Variants in DNAJC1 observed in about 807,000 individuals in gnomAD.
The protein encoded by DNAJC1 is DnaJ heat shock protein family (Hsp40) member C1.
In DNAJC1, 58 loss-of-function variants were observed where a neutral mutation model predicts 76.6. The observed-to-expected ratio is 0.76, with a 90% CI of 0.61 to 0.94. DNAJC1 has a LOEUF of 0.94. Among genes scored for constraint, DNAJC1 ranks in the 40% least tolerant of loss-of-function variants. The pLI, the probability that DNAJC1 is intolerant of heterozygous loss-of-function variation, is 0.00. For synonymous variants in DNAJC1, 258 were observed against 267.9 expected, an observed-to-expected ratio of 0.96 and a Z score of 0.36; for missense variants, 689 against 677.3, an observed-to-expected ratio of 1.02 and a Z score of -0.19.
chr10:21,782,262 C>T (rs1390300228), intron 9 of DNAJC1, among the ~76,000 whole-genome samples: 2 of 152,158 alleles, frequency 1.3e-5, no homozygotes, highest in Non-Finnish European at 2.9e-5. Context: ...ACTATAAACA[C>T]CGCTATGCAA....
intron 8 of DNAJC1, among the ~76,000 whole-genome samples, chr10:21,877,836 C>A (rs1391346745): frequency 2.0e-5 from 3 of 152,164 alleles, no homozygotes; most frequent in Non-Finnish European, 1.5e-5. Flanking sequence ...CTTTTGACTG[C>A]CCAAAAACTT....
chr10:21,844,127 G>A (rs1282312916), intron 8 of DNAJC1, among the ~76,000 whole-genome samples: 6 of 152,086 alleles, frequency 3.9e-5, no homozygotes, highest in Non-Finnish European at 5.9e-5. Flanking sequence ...CAGCCAAGTG[G>A]AACTGTAAGT....
intron 9 of DNAJC1, among the ~76,000 whole-genome samples, chr10:21,771,621 C>T (rs1319281826): frequency 3.3e-5 from 5 of 152,124 alleles, no homozygotes; most frequent in African/African-American, 7.2e-5. Context: ...CCTCAGCCTC[C>T]CGAGTAGCTG....
chr10:21,839,479 G>A (rs934576660), intron 8 of DNAJC1, among the ~76,000 whole-genome samples: 34 of 152,086 alleles, frequency 2.2e-4, no homozygotes, highest in African/African-American at 6.8e-4. Context: ...ACACCTCTAC[G>A]CAAATAAACT....
chr10:21,978,026 A>AT lies in DNAJC1; in HGVS notation c.222+25186dup, dbSNP rs1838092758. Among the ~76,000 whole-genome samples, 6 of 152,282 alleles carry AT rather than the reference A, an allele frequency of 3.9e-5. No individual in the cohort carries two copies. In the South Asian group the frequency reaches 1.2e-3, roughly 32 times the overall value. On this transcript the variant is annotated intron_variant, in intron 1 of 11. Coordinates refer to ENST00000376980, the MANE Select transcript of DNAJC1 (RefSeq NM_022365.4). ...AACAATAAGAATGTCTGTTTTTTAT[A>AT]TAGGAGCATTTGACTTATTTTGTAA...
chr10:21,872,009 A>AAAAATAG lies in DNAJC1; in HGVS notation c.978+10266_978+10272dup, dbSNP rs1242252270. Among the ~76,000 whole-genome samples, 36 of 152,184 alleles carry AAAAATAG rather than the reference A, an allele frequency of 2.4e-4. No homozygotes were observed. The East Asian group carries it at 3.1e-3, about 13-fold the overall frequency. On this transcript the variant is annotated intron_variant, in intron 8 of 11. Transcript: ENST00000376980. ...GAGACAGTATGGCTGACATAAAGAAAAAAATAGAAACTGTGCCTGAGGAAG... is the reference window on the plus strand; with the variant it reads ...GAGACAGTATGGCTGACATAAAGAAAAAAATAGAAAATAGAAACTGTGCCTGAGGAAG...
chr10:21,953,786 C>A (rs1234178094), intron 1 of DNAJC1, among the ~76,000 whole-genome samples: 1 of 134,990 alleles, frequency 7.4e-6, no homozygotes, highest in Non-Finnish European at 1.5e-5. Flanking sequence ...AGCTCCATCA[C>A]TGCCATCAAG....
At chr10:21,772,729 T>G (rs1208592414) in intron 9 of DNAJC1, among the ~76,000 whole-genome samples, 3 of 152,144 alleles carry the variant, frequency 2.0e-5, no homozygotes, top group African/African-American at 7.2e-5. Flanking sequence ...TTGTTCTCTA[T>G]TTCTTCCATT....
At chr10:21,785,973 C>G (rs1387736520) in intron 9 of DNAJC1, among the ~76,000 whole-genome samples, 1 of 152,164 alleles carries the variant, frequency 6.6e-6, no homozygotes, top group Non-Finnish European at 1.5e-5. Context: ...ATGTTGATCA[C>G]TGTATATACT....
rs747686329 is a variant in DNAJC1, at chr10:21,806,112, A to C, written c.979-13T>G. On this transcript the variant is annotated splice_polypyrimidine_tract_variant and intron_variant, in intron 8 of 11. Transcript: ENST00000376980. ...TCCATTCAGGTGCCTGCAAAACATT[A>C]AAGAAAATAAAAAAAGATAATTGGG... 10 of 1,590,706 alleles carry C rather than the reference A, an allele frequency of 6.3e-6. No individual in the cohort carries two copies. The highest frequency in any genetic ancestry group is 1.9e-4 in the Middle Eastern group (1 of 5,144).
At position 21,759,520 on chromosome 10, in the gene DNAJC1, C is replaced by T; in HGVS notation, c.1246G>A (p.Asp416Asn). ...LPDDMITQRE[D>N]AEGVAAEEEQ... Reference sequence around the variant, plus strand: ...TCCTCCGCTGCCACCCCCTCTGCGTCCTCTCGCTGGGTGATCATGTCATCG... The same window carrying T: ...TCCTCCGCTGCCACCCCCTCTGCGTTCTCTCGCTGGGTGATCATGTCATCG... The change falls in exon 11 of 12, where the codon GAC becomes AAC. Residue 416 changes from aspartate to asparagine, a missense_variant. Asp to Asn is a conservative substitution (Grantham distance 23). Coordinates refer to ENST00000376980, the MANE Select transcript of DNAJC1 (RefSeq NM_022365.4). The T allele has an allele frequency of 6.2e-7, 1 of 1,614,208 alleles. No homozygotes were observed. The highest frequency in any genetic ancestry group is 1.1e-5 in the South Asian group (1 of 91,084).
At chr10:21,826,963 G>GT (rs55880711) in intron 8 of DNAJC1, among the ~76,000 whole-genome samples, 12,544 of 144,866 alleles carry the variant, frequency 0.087, 837 homozygotes, top group African/African-American at 0.19. Context: ...TCTTGTTCAA[G>GT]TTTTTTTTTT....
At chr10:21,819,893 G>T (rs1300067618) in intron 8 of DNAJC1, among the ~76,000 whole-genome samples, 1 of 152,140 alleles carries the variant, frequency 6.6e-6, no homozygotes, top group African/African-American at 2.4e-5. Flanking sequence ...TCACGCCACT[G>T]CACTCCAGCC....
chr10:21,876,977 A>G (rs1836197938), intron 8 of DNAJC1, among the ~76,000 whole-genome samples: 1 of 152,194 alleles, frequency 6.6e-6, no homozygotes. Context: ...ATTTTGAGAT[A>G]GAAAAATATT....
At chr10:21,914,676 A>G (rs1018791757) in intron 6 of DNAJC1, among the ~76,000 whole-genome samples, 3 of 152,164 alleles carry the variant, frequency 2.0e-5, no homozygotes, top group African/African-American at 7.2e-5. Context: ...GGGCTGCATG[A>G]TACCCTCTTT....
chr10:21,967,498 C>T (rs1590071678), intron 1 of DNAJC1, among the ~76,000 whole-genome samples: 1 of 152,294 alleles, frequency 6.6e-6, no homozygotes, highest in Middle Eastern at 3.4e-3. Context: ...CTCTAGGCAT[C>T]CCTATTTACC....
In DNAJC1 at chr10:22,003,278, G is replaced by A. The variant is rs1169342291; in HGVS notation, c.157C>T (p.Leu53=). The change falls in exon 1 of 12, where the codon CTG becomes TTG. Residue 53 remains leucine, a synonymous_variant. Transcript: ENST00000376980. ...APARGWESGD[L]ELFDLVEEVQ... Reference sequence around the variant, plus strand: ...TCCTCCACTAAGTCAAACAACTCCAGGTCTCCGCTCTCCCAGCCGCGCGCC... The same window carrying A: ...TCCTCCACTAAGTCAAACAACTCCAAGTCTCCGCTCTCCCAGCCGCGCGCC... The A allele has an allele frequency of 1.3e-6, 2 of 1,549,676 alleles. No homozygotes were observed. The highest frequency in any genetic ancestry group is 1.7e-6 in the Non-Finnish European group (2 of 1,150,456).
intron 8 of DNAJC1, among the ~76,000 whole-genome samples, chr10:21,874,042 C>A (rs1161952964): frequency 6.6e-6 from 1 of 152,112 alleles, no homozygotes; most frequent in African/African-American, 2.4e-5. Context: ...AGCCAAAAGA[C>A]CCAGAATGTA....
intron 8 of DNAJC1, among the ~76,000 whole-genome samples, chr10:21,845,419 A>T (rs1253679132): frequency 2.7e-5 from 4 of 146,988 alleles, no homozygotes; most frequent in East Asian, 2.0e-4. Context: ...CAGTGGTGTG[A>T]TCTCGGCTCA....
Sources: allele counts gnomAD v4.1 joint callset (sites outside exome capture counted in the v4.1 genomes callset), GRCh38; gene constraint gnomAD v4.1.1; transcripts MANE v1.5; gene names NCBI Gene and HGNC (gene_info 2026-07-23, HGNC 2026-07-21).